The following TIAL1 variants were observed in gnomAD, a reference collection of about 807,000 sequenced individuals.
TIAL1 encodes TIA1 cytotoxic granule associated RNA binding protein like 1, also known as nucleolysin TIAR.
Under a neutral mutation model 59.7 loss-of-function variants are expected in TIAL1, and 7 were observed. The ratio of observed to expected loss-of-function variants is 0.12; its 90% CI spans 0.07 to 0.22. The LOEUF (loss-of-function observed/expected upper bound fraction) is 0.22. TIAL1 is among the 10% of genes least tolerant of loss of function. TIAL1 has a pLI of 1.00. For missense variants in TIAL1, 225 were observed against 462.5 expected (o/e 0.49, Z 4.71); for synonymous variants, 149 against 146.3 (o/e 1.02, Z -0.13).
intron 1 of TIAL1, 44 bp downstream of exon 1, chr10:119,596,390 C>T (rs1252541400): frequency 4.3e-6 from 7 of 1,609,226 alleles, no homozygotes; most frequent in South Asian, 1.1e-5. Context: ...TCCCGCGGTG[C>T]CCGGGCCTCT....
At chr10:119,587,079 AATG>A in intron 2 of TIAL1, among the ~76,000 whole-genome samples, 2 of 152,358 alleles carry the variant, frequency 1.3e-5, no homozygotes, top group Middle Eastern at 3.4e-3. Flanking sequence ...ACCAGAACAA[AATG>A]ATGATTGTCA....
At chr10:119,585,275 T>G (rs1845509491) in intron 2 of TIAL1, among the ~76,000 whole-genome samples, 1 of 151,970 alleles carries the variant, frequency 6.6e-6, no homozygotes, top group Non-Finnish European at 1.5e-5. Flanking sequence ...ATTGGTAACA[T>G]GGTGAAACCA....
At position 119,577,441 on chromosome 10, in the gene TIAL1, A is replaced by G; in HGVS notation, c.737+10T>C. On this transcript the variant is annotated intron_variant, in intron 9 of 11. Coordinates refer to ENST00000436547, the MANE Select transcript of TIAL1 (RefSeq NM_003252.4). The stretch of plus-strand genomic sequence containing the variant: ...TAAGAGTAATAATGATATTTCAAGT[A>G]GAGTGTTACCTGACAAATGAATAGC... The G allele has an allele frequency of 6.2e-7, 1 of 1,600,804 alleles. No individual in the cohort carries two copies. The highest frequency in any genetic ancestry group is 8.5e-7 in the Non-Finnish European group (1 of 1,169,752).
chr10:119,581,839 A>C, intron 5 of TIAL1, 83 bp downstream of exon 5: 1 of 1,110,336 alleles, frequency 9.0e-7, no homozygotes, highest in Admixed American at 2.0e-5. Context: ...TAACTAGAGA[A>C]AGAAAATCTT....
chr10:119,586,267 C>T (rs1004165287), intron 2 of TIAL1, among the ~76,000 whole-genome samples: 2 of 152,186 alleles, frequency 1.3e-5, no homozygotes, highest in Non-Finnish European at 2.9e-5. Flanking sequence ...AATAGCATTA[C>T]CAACTATACA....
At chr10:119,588,036 T>C in intron 2 of TIAL1, 116 bp downstream of exon 2, 2 of 567,434 alleles carry the variant, frequency 3.5e-6, no homozygotes, top group Non-Finnish European at 5.5e-6. Flanking sequence ...AAGTAATAAG[T>C]CAACACAACA....
At chr10:119,589,972 C>T (rs1845768707) in intron 1 of TIAL1, among the ~76,000 whole-genome samples, 1 of 152,110 alleles carries the variant, frequency 6.6e-6, no homozygotes, top group African/African-American at 2.4e-5. Context: ...AGACTTGCAA[C>T]ATAGCTGCCA....
intron 11 of TIAL1, among the ~76,000 whole-genome samples, chr10:119,576,202 GAA>G (rs34336844): frequency 0.011 from 1,247 of 109,072 alleles, 7 homozygotes; most frequent in Non-Finnish European, 0.016. Flanking sequence ...ATCAACAAAA[GAA>G]AAAAAAAAAA....
rs759563676 is a variant in TIAL1 at position 119,582,123 on chromosome 10, A to G, written c.283+46T>C. Reference sequence around the variant, plus strand: ...TATTTAAGCTGGTAATGCCTCCTGGATAATTTCAGAACTCTTCCACAGTAA... The same window carrying G: ...TATTTAAGCTGGTAATGCCTCCTGGGTAATTTCAGAACTCTTCCACAGTAA... On this transcript the variant is annotated intron_variant, in intron 4 of 11. Coordinates refer to ENST00000436547, the MANE Select transcript of TIAL1 (RefSeq NM_003252.4). This position sits in a 1 kb window ranked among gnomAD's most constrained non-coding sequence, Gnocchi z 5.1. The G allele has an allele frequency of 5.0e-6, 8 of 1,599,424 alleles. No individual in the cohort carries two copies. The highest frequency in any genetic ancestry group is 1.7e-4 in the Middle Eastern group (1 of 5,938).
At chr10:119,590,812 G>A (rs1249801709) in intron 1 of TIAL1, among the ~76,000 whole-genome samples, 1 of 144,986 alleles carries the variant, frequency 6.9e-6, no homozygotes, top group Admixed American at 6.9e-5. Context: ...AAGAAAGAAA[G>A]AAAGAAAGAA....
At chr10:119,579,243 C>T (rs1353478664) in intron 6 of TIAL1, among the ~76,000 whole-genome samples, 2 of 152,114 alleles carry the variant, frequency 1.3e-5, no homozygotes, top group South Asian at 2.1e-4. Context: ...GAGGCTGAGG[C>T]AGCGCGATCG....
intron 1 of TIAL1, among the ~76,000 whole-genome samples, chr10:119,592,474 T>C (rs928010450): frequency 3.3e-5 from 5 of 152,168 alleles, no homozygotes; most frequent in African/African-American, 9.6e-5. Context: ...AGAAGACTAA[T>C]GACACTTTTT....
chr10:119,578,354 T>C (rs1016092842), intron 7 of TIAL1, among the ~76,000 whole-genome samples: 4 of 151,822 alleles, frequency 2.6e-5, no homozygotes, highest in Non-Finnish European at 5.9e-5. Flanking sequence ...AAAATACTTA[T>C]ACCACAGCCC....
chr10:119,576,781 A>C, intron 10 of TIAL1, 31 bp from the exon 11 acceptor site: 13 of 1,609,768 alleles, frequency 8.1e-6, no homozygotes, highest in Non-Finnish European at 1.0e-5. Flanking sequence ...GTTTTAGGGA[A>C]CACATAAGAA....
Position 119,577,682 on chromosome 10 carries a change from T to G in TIAL1, c.611A>C (p.Asn204Thr). Residue 204 changes from asparagine (N) to threonine (T), a missense_variant, in exon 8 of 12, where the codon AAT becomes ACT. By Grantham distance (65) the Asn-to-Thr change is moderately conservative (BLOSUM62 0). Transcript: ENST00000436547. Reference protein sequence around the residue: ...EDVVNQSSPKNCTVYCGGIAS... With the variant: ...EDVVNQSSPKTCTVYCGGIAS... ...AATTCCTCCACAGTACACAGTACAA[T>G]TTTTTGGACTTGACTGGTTTACTAC... 6.2e-7 allele frequency: 1 copy of G among 1,614,126 alleles called. No individual in the cohort carries two copies. The highest frequency in any genetic ancestry group is 8.5e-7 in the Non-Finnish European group (1 of 1,179,954).
At chr10:119,587,222 T>G (rs1845611396) in intron 2 of TIAL1, among the ~76,000 whole-genome samples, 1 of 152,232 alleles carries the variant, frequency 6.6e-6, no homozygotes, top group Non-Finnish European at 1.5e-5. Flanking sequence ...CTCTTACGAC[T>G]AATTCCATTT....
chr10:119,588,229 T>G lies in TIAL1; in HGVS notation c.52A>C (p.Arg18=). The G allele has an allele frequency of 1.9e-6, 3 of 1,588,040 alleles. No homozygotes were observed. The highest frequency in any genetic ancestry group is 2.6e-6 in the Non-Finnish European group (3 of 1,165,150). Residue 18 remains arginine (R), a synonymous_variant, in exon 2 of 12, where the codon AGA becomes CGA. Transcript: ENST00000436547. ...AGTATAAGGACTTCTGTCACATCTCTGGAAAGGTTACCTACGTATCTGCAC... is the reference window on the plus strand; with the variant it reads ...AGTATAAGGACTTCTGTCACATCTCGGGAAAGGTTACCTACGTATCTGCAC... ...PRTLYVGNLS[R]DVTEVLILQL... is the part of the protein sequence containing the mutation.
chr10:119,581,246 T>A (rs1355050489), intron 5 of TIAL1, among the ~76,000 whole-genome samples: 1 of 151,994 alleles, frequency 6.6e-6, no homozygotes, highest in Non-Finnish European at 1.5e-5. Context: ...TCCAATATAT[T>A]TTTTACCAAG....
rs150607935 is a variant in TIAL1 at position 119,587,599 on chromosome 10, C to A, written c.129+553G>T. Among the ~76,000 whole-genome samples the A allele has an allele frequency of 2.7e-3, 416 of 151,658 alleles. 1 individual carries two copies. Among genetic ancestry groups the A allele is most frequent in the Non-Finnish European group, 4.2e-3 (283 of 67,944 alleles). On this transcript the variant is annotated intron_variant, in intron 2 of 11. Transcript: ENST00000436547. ...TTCACCAGTGTATCTCTAGCACTTA[C>A]TGCAGTATCTAGTACATAGGAAATA...
Sources: allele counts gnomAD v4.1 joint callset (sites outside exome capture counted in the v4.1 genomes callset), GRCh38; gene constraint gnomAD v4.1.1; non-coding constraint Gnocchi (gnomAD v3.1); transcripts MANE v1.5; gene names NCBI Gene and HGNC (gene_info 2026-07-23, HGNC 2026-07-21).